Variants in ITPK1 observed in about 807,000 individuals in gnomAD.
ITPK1 encodes inositol-tetrakisphosphate 1-kinase.
In ITPK1, 21 loss-of-function variants were observed where a neutral mutation model predicts 45.3. That is an observed-to-expected ratio of 0.46 (90% confidence interval 0.33 to 0.67). The LOEUF (loss-of-function observed/expected upper bound fraction) is 0.67, where lower values mean the gene tolerates loss of function less well. ITPK1 is among the 30% of genes least tolerant of loss of function. ITPK1 has a pLI of 0.02. For missense variants in ITPK1, 474 were observed against 573.5 expected (o/e 0.83, Z 1.77); for synonymous variants, 258 against 253.6 (o/e 1.02, Z -0.16).
At position 92,940,345 on chromosome 14, in the gene ITPK1, C is replaced by G. The variant is rs1262930676; in HGVS notation, c.*1216G>C. 6.0e-6 allele frequency: 6 copies of G among 1,003,728 alleles called. No individual in the cohort carries two copies. In the African/African-American group the frequency reaches 8.7e-5, roughly 15 times the overall value. The allele number at this position is 1,003,728 out of a possible 1,614,324, so 62.2% of individuals were successfully genotyped here. A position where few individuals can be genotyped will look rare whatever the true frequency, so the allele number is the denominator to read the frequency against. On this transcript the variant is annotated 3_prime_UTR_variant, in exon 11 of 11. Coordinates refer to ENST00000267615, the MANE Select transcript of ITPK1 (RefSeq NM_014216.6). The stretch of plus-strand genomic sequence containing the variant: ...AGGACTGCAGAGGCTTCTCCCCAAC[C>G]CTTTTCTCTGCAGAGGGGGCTGCCT...
chr14:92,963,170 C>T (rs560663547), intron 5 of ITPK1, among the ~76,000 whole-genome samples: 168 of 152,326 alleles, frequency 1.1e-3, no homozygotes, highest in African/African-American at 3.6e-3. Context: ...CTTTTACCCA[C>T]GCGTACATTT....
At position 92,939,947 on chromosome 14, in the gene ITPK1, A is replaced by C. The variant is rs1359548322; in HGVS notation, c.*1614T>G. 1.0e-6 allele frequency: 1 copy of C among 985,794 alleles called. No homozygotes were observed. The highest frequency in any genetic ancestry group is 1.1e-4 in the East Asian group (1 of 8,832). 61.1% of individuals were successfully genotyped at this position (985,794 alleles called of 1,614,324 possible). On this transcript the variant is annotated 3_prime_UTR_variant, in exon 11 of 11. Transcript: ENST00000267615. ...TTCCTGTTCCCCAGGGCTCAGGGTC[A>C]GAACTAGGAAAGGTGACGTACAGAC...
At chr14:93,087,105 C>T (rs1424909017) in intron 2 of ITPK1, among the ~76,000 whole-genome samples, 2 of 152,232 alleles carry the variant, frequency 1.3e-5, no homozygotes, top group East Asian at 1.9e-4. Flanking sequence ...TGGCTAAAAA[C>T]AACACAAATG....
intron 5 of ITPK1, among the ~76,000 whole-genome samples, chr14:92,975,508 G>A (rs1415500078): frequency 1.3e-5 from 2 of 152,160 alleles, no homozygotes. Flanking sequence ...ATGGTGGGAC[G>A]CTTAATTCTT....
Position 92,938,635 on chromosome 14 carries a change from A to G in ITPK1, c.*2926T>C. On this transcript the variant is annotated 3_prime_UTR_variant, in exon 11 of 11. Coordinates refer to ENST00000267615, the MANE Select transcript of ITPK1 (RefSeq NM_014216.6). ...AGCCCCATGGAACCTGCCAGGTTGC[A>G]GCTGGGTCCAATCCCGCCGGCCATG... The G allele has an allele frequency of 1.1e-6, 1 of 904,262 alleles. No homozygotes were observed. The highest frequency in any genetic ancestry group is 1.8e-6 in the Non-Finnish European group (1 of 557,960). The allele number at this position is 904,262 out of a possible 1,614,324, so 56.0% of individuals were successfully genotyped here. A position where few individuals can be genotyped will look rare whatever the true frequency, so the allele number is the denominator to read the frequency against.
rs753307449 is a variant in ITPK1 at position 92,962,786 on chromosome 14, C to A, written c.428G>T (p.Arg143Leu). Residue 143 changes from arginine to leucine, a missense_variant, in exon 6 of 11, where the codon CGG becomes CTG. Physicochemically the swap from Arg to Leu is moderately radical, Grantham distance 102. Transcript: ENST00000267615. ...AGTCAAGCCGTTCTTCTCCAGCAGC[C>A]GCATGGTGTCATCCCCGCACAGGCT... ...LTSLCGDDTM[R>L]LLEKNGLTFP... The A allele has an allele frequency of 1.9e-6, 3 of 1,614,044 alleles. No individual in the cohort carries two copies. The highest frequency in any genetic ancestry group is 1.7e-5 in the Admixed American group (1 of 60,014).
chr14:93,053,212 AC>A (rs1180769501), intron 3 of ITPK1, among the ~76,000 whole-genome samples: 1 of 152,186 alleles, frequency 6.6e-6, no homozygotes, highest in Non-Finnish European at 1.5e-5. Flanking sequence ...GGTCAACATC[AC>A]CTGGATACCT....
chr14:93,040,497 C>T (rs1386975115), intron 3 of ITPK1, among the ~76,000 whole-genome samples: 1 of 152,180 alleles, frequency 6.6e-6, no homozygotes, highest in African/African-American at 2.4e-5. Flanking sequence ...TCCCCTGCCA[C>T]ACCGCTTGGC....
chr14:93,079,304 C>T (rs188606617), intron 2 of ITPK1, among the ~76,000 whole-genome samples: 1 of 152,334 alleles, frequency 6.6e-6, no homozygotes, highest in Non-Finnish European at 1.5e-5. Context: ...GCAACAGTGG[C>T]AGAAAAGAGG....
At chr14:92,977,414 GT>G (rs1436173513) in intron 5 of ITPK1, among the ~76,000 whole-genome samples, 3 of 152,214 alleles carry the variant, frequency 2.0e-5, no homozygotes, top group Non-Finnish European at 4.4e-5. Flanking sequence ...ATTAAGGAAG[GT>G]GCAGCCTTCT....
chr14:93,072,321 A>T (rs932233692), intron 3 of ITPK1, among the ~76,000 whole-genome samples: 2 of 151,708 alleles, frequency 1.3e-5, no homozygotes, highest in African/African-American at 4.8e-5. Context: ...AAAAAATTAA[A>T]TAAGTAAAAT....
At position 93,061,351 on chromosome 14, in the gene ITPK1, C is replaced by T. The variant is rs185607491; in HGVS notation, c.120+15244G>A. ...GGAAGAAGCAAGACCAGAGGCCACC[C>T]GGGGACCACCCACCTCCTCCAGAGC... On this transcript the variant is annotated intron_variant, in intron 3 of 10. Coordinates refer to ENST00000267615, the MANE Select transcript of ITPK1 (RefSeq NM_014216.6). Among the ~76,000 whole-genome samples the T allele has an allele frequency of 4.5e-3, 681 of 152,304 alleles. 8 individuals are homozygous for T. The highest frequency in any genetic ancestry group is 5.9e-3 in the Non-Finnish European group (400 of 68,028).
In ITPK1 at chr14:92,958,545, C is replaced by T. The variant is rs1214126247; in HGVS notation, c.505-179G>A. 9.9e-5 allele frequency among the ~76,000 whole-genome samples: 15 copies of T among 152,170 alleles called. No homozygotes were observed. On this transcript the variant is annotated intron_variant, in intron 7 of 10. Transcript: ENST00000267615. This position sits in a 1 kb window ranked among gnomAD's most constrained non-coding sequence, Gnocchi z 4.4. The stretch of plus-strand genomic sequence containing the variant: ...AGTGGAGTGGGACTTGTGAAGAACA[C>T]CTGGGGATGCATCCCTTCTGCCACG...
At chr14:92,962,526 G>A in intron 6 of ITPK1, 131 bp from the exon 7 acceptor site, 1 of 770,100 alleles carries the variant, frequency 1.3e-6, no homozygotes. Context: ...TGCACTGAGG[G>A]TGACGTGTGG....
intron 2 of ITPK1, among the ~76,000 whole-genome samples, chr14:93,094,891 C>T (rs1044664630): frequency 2.6e-5 from 4 of 152,242 alleles, no homozygotes; most frequent in Non-Finnish European, 4.4e-5. Flanking sequence ...ACTCCTGGCT[C>T]CACAGCGTCA....
Position 93,032,727 on chromosome 14 carries a change from T to G in ITPK1, c.121-15926A>C, listed in dbSNP as rs2139893258. Reference sequence around the variant, plus strand: ...TGAATATCTTCCGATTAGCCTCATCTAGAAGGCACATGTCCACCCAGCTCT... The same window carrying G: ...TGAATATCTTCCGATTAGCCTCATCGAGAAGGCACATGTCCACCCAGCTCT... On this transcript the variant is annotated intron_variant, in intron 3 of 10. Transcript: ENST00000267615. This position sits in a 1 kb window ranked among gnomAD's most constrained non-coding sequence, Gnocchi z 4.0. Among the ~76,000 whole-genome samples, 1 of 152,290 alleles carries G rather than the reference T, an allele frequency of 6.6e-6. No individual in the cohort carries two copies. Among genetic ancestry groups the G allele is most frequent in the South Asian group, 2.1e-4 (1 of 4,822 alleles).
chr14:93,001,490 T>C (rs1232067556), intron 4 of ITPK1, among the ~76,000 whole-genome samples: 1 of 152,046 alleles, frequency 6.6e-6, no homozygotes, highest in African/African-American at 2.4e-5. Context: ...CCTCCTGTAC[T>C]GAACCCAACA....
chr14:92,961,511 C>A (rs1312058328), intron 7 of ITPK1, among the ~76,000 whole-genome samples: 4 of 152,180 alleles, frequency 2.6e-5, no homozygotes, highest in Non-Finnish European at 5.9e-5. Context: ...TCTAAGCAGC[C>A]CTCTTTTCCT....
chr14:93,093,087 G>A (rs1301694343), intron 2 of ITPK1, among the ~76,000 whole-genome samples: 4 of 152,188 alleles, frequency 2.6e-5, no homozygotes, highest in East Asian at 1.9e-4. Context: ...TGACCAGGAT[G>A]GCTACTCAAC....
Sources: allele counts gnomAD v4.1 joint callset (sites outside exome capture counted in the v4.1 genomes callset), GRCh38; gene constraint gnomAD v4.1.1; non-coding constraint Gnocchi (gnomAD v3.1); transcripts MANE v1.5; gene names NCBI Gene and HGNC (gene_info 2026-07-23, HGNC 2026-07-21).